Variants in RYR2 observed in about 807,000 individuals in gnomAD.
RYR2 encodes ryanodine receptor 2, also known as cardiac muscle ryanodine receptor-calcium release channel.
RYR2 carries 227 observed loss-of-function variants against 601.1 expected under a neutral mutation model. The ratio of observed to expected loss-of-function variants is 0.38; its 90% CI spans 0.34 to 0.42. RYR2 has a LOEUF of 0.42. RYR2 is among the 10% of genes least tolerant of loss of function. The probability of loss-of-function intolerance (pLI) is 1.00; values close to 1 mark genes in which losing one functional copy is unlikely to be tolerated. For missense variants in RYR2, 4,646 were observed against 6,156.5 expected, an observed-to-expected ratio of 0.75 and a Z score of 8.21; for synonymous variants, 2,223 against 2,175.1, an observed-to-expected ratio of 1.02 and a Z score of -0.61.
Position 237,123,234 on chromosome 1 carries a change from C to A in RYR2, c.48+80665C>A, listed in dbSNP as rs1258705330. ...CAAAAAACTCAGGAAACAATACTTA[C>A]CCTAAGATGCTTTCTCATTTATTCT... is the stretch of plus-strand genomic sequence containing the variant. On this transcript the variant is annotated intron_variant, in intron 1 of 104. Coordinates refer to ENST00000366574, the MANE Select transcript of RYR2 (RefSeq NM_001035.3). Among the ~76,000 whole-genome samples, 6 of 152,138 alleles carry A rather than the reference C, an allele frequency of 3.9e-5. No individual in the cohort carries two copies. The East Asian group carries it at 5.8e-4, about 15-fold the overall frequency.
At position 237,649,818 on chromosome 1, in the gene RYR2, C is replaced by T. The variant is rs957796894; in HGVS notation, c.7513-59C>T. The T allele has an allele frequency of 4.1e-6, 6 of 1,459,380 alleles. No individual in the cohort carries two copies. The African/African-American group carries it at 5.6e-5, about 14-fold the overall frequency. The allele number at this position is 1,459,380 out of a possible 1,614,324, so 90.4% of individuals were successfully genotyped here. A position where few individuals can be genotyped will look rare whatever the true frequency, so the allele number is the denominator to read the frequency against. On this transcript the variant is annotated intron_variant, in intron 49 of 104. Transcript: ENST00000366574. ...AAATTGTATGTCCCCATGTTAATCC[C>T]TTTGAAGATTATCTACTGCCAAACA...
chr1:237,793,630 C>G (rs540067883), intron 94 of RYR2, among the ~76,000 whole-genome samples: 26 of 152,200 alleles, frequency 1.7e-4, no homozygotes, highest in African/African-American at 6.0e-4. Flanking sequence ...ATCTATAAGA[C>G]CCTATGTGTT....
chr1:237,204,245 G>A (rs1681528210), intron 1 of RYR2, among the ~76,000 whole-genome samples: 1 of 152,164 alleles, frequency 6.6e-6, no homozygotes. Flanking sequence ...CTAACCTCAG[G>A]TGATCCACCC....
At chr1:237,503,246 G>A (rs912135332) in intron 21 of RYR2, 43 bp from the exon 22 acceptor site, 6 of 1,520,542 alleles carry the variant, frequency 3.9e-6, no homozygotes, top group African/African-American at 2.8e-5. Context: ...AAACTTTAAT[G>A]TACACCAGAG....
chr1:237,423,137 C>T lies in RYR2; in HGVS notation c.894C>T (p.Arg298=), dbSNP rs758606310. Residue 298 remains arginine, a synonymous_variant, in exon 12 of 105, where the codon CGC becomes CGT. Transcript: ENST00000366574. The part of the protein sequence containing the change: ...HIRWGQPFRL[R]HVTTGKYLSL... The stretch of plus-strand genomic sequence containing the variant: ...GATGGGGACAGCCATTCCGACTACG[C>T]CATGTCACAACAGGAAAATACTTGA... 4.9e-5 allele frequency: 79 copies of T among 1,613,698 alleles called. No homozygotes were observed. Among genetic ancestry groups the T allele is most frequent in the Non-Finnish European group, 6.6e-5 (78 of 1,179,828 alleles).
intron 1 of RYR2, among the ~76,000 whole-genome samples, chr1:237,084,232 G>T (rs768893428): frequency 6.6e-6 from 1 of 151,988 alleles, no homozygotes; most frequent in African/African-American, 2.4e-5. Context: ...TTTCAAATTC[G>T]GCTTATCCCA....
intron 1 of RYR2, among the ~76,000 whole-genome samples, chr1:237,066,641 C>CT (rs71178383): frequency 7.5e-5 from 11 of 147,144 alleles, no homozygotes; most frequent in Admixed American, 1.4e-4. Flanking sequence ...CCGTGTCTTT[C>CT]TTTTTTTTTT....
Position 237,778,783 on chromosome 1 carries a change from A to C in RYR2, c.11880+13A>C, listed in dbSNP as rs1694866896. On this transcript the variant is annotated intron_variant, in intron 88 of 104. Coordinates refer to ENST00000366574, the MANE Select transcript of RYR2 (RefSeq NM_001035.3). ...GAAGCTGTCGCAGGTAAACTAACTAACTGCCTTCCTCTCTCTTAAATGACA... is the reference window on the plus strand; with the variant it reads ...GAAGCTGTCGCAGGTAAACTAACTACCTGCCTTCCTCTCTCTTAAATGACA... 1.5e-6 allele frequency: 2 copies of C among 1,330,528 alleles called. No individual in the cohort carries two copies. The highest frequency in any genetic ancestry group is 1.2e-5 in the South Asian group (1 of 83,324). The allele number at this position is 1,330,528 out of a possible 1,614,324, so 82.4% of individuals were successfully genotyped here.
Position 237,639,008 on chromosome 1 carries a change from A to C in RYR2, c.6929-7A>C, listed in dbSNP as rs1401095161. 1.2e-6 allele frequency: 2 copies of C among 1,613,214 alleles called. No homozygotes were observed. Among genetic ancestry groups the C allele is most frequent in the South Asian group, 1.1e-5 (1 of 91,012 alleles). Reference sequence around the variant, plus strand: ...TTTGTTTACTTATCTTCCCCATTCTACTTTAGGGGAGAGTGTGGAGGAAAA... The same window carrying C: ...TTTGTTTACTTATCTTCCCCATTCTCCTTTAGGGGAGAGTGTGGAGGAAAA... On this transcript the variant is annotated splice_region_variant and splice_polypyrimidine_tract_variant and intron_variant, in intron 45 of 104. Coordinates refer to ENST00000366574, the MANE Select transcript of RYR2 (RefSeq NM_001035.3).
chr1:237,082,781 G>A (rs1665881950), intron 1 of RYR2, among the ~76,000 whole-genome samples: 1 of 151,762 alleles, frequency 6.6e-6, no homozygotes, highest in African/African-American at 2.4e-5. Flanking sequence ...AATTTAATAG[G>A]GAAAGTTAGG....
chr1:237,367,168 A>G (rs1700266872), intron 5 of RYR2, among the ~76,000 whole-genome samples: 1 of 152,142 alleles, frequency 6.6e-6, no homozygotes, highest in African/African-American at 2.4e-5. Context: ...ACCTCGGCTC[A>G]CTGCAACCTC....
chr1:237,551,490 C>A (rs888953427), intron 27 of RYR2, among the ~76,000 whole-genome samples: 2 of 141,864 alleles, frequency 1.4e-5, no homozygotes, highest in Non-Finnish European at 3.0e-5. Flanking sequence ...GAGATGGCGC[C>A]ACTGCACTCC....
intron 17 of RYR2, among the ~76,000 whole-genome samples, chr1:237,473,431 C>CTCTTTCTTTCTTTCTTTCGTTCTTTCTT (rs1660981033): frequency 8.6e-6 from 1 of 115,772 alleles, no homozygotes; most frequent in African/African-American, 3.2e-5. Flanking sequence ...CTCTCTCTCT[C>CTCTTTCTTTCTTTCTTTCGTTCTTTCTT]TCTTTCTTTC....
At chr1:237,740,387 T>C (rs987385580) in intron 79 of RYR2, among the ~76,000 whole-genome samples, 1 of 152,202 alleles carries the variant, frequency 6.6e-6, no homozygotes, top group East Asian at 1.9e-4. Context: ...AAATTTTAAC[T>C]TCATTAGGAG....
At chr1:237,477,112 G>A (rs902671817) in intron 17 of RYR2, among the ~76,000 whole-genome samples, 3 of 152,188 alleles carry the variant, frequency 2.0e-5, no homozygotes, top group African/African-American at 7.2e-5. Flanking sequence ...AACAAAATCA[G>A]CCGGGTGTGG....
intron 1 of RYR2, among the ~76,000 whole-genome samples, chr1:237,263,518 A>G (rs1448642584): frequency 6.6e-6 from 1 of 152,214 alleles, no homozygotes; most frequent in African/African-American, 2.4e-5. Flanking sequence ...TGGTTTATGA[A>G]TTCTGTTCCT....
At chr1:237,667,836 T>G in intron 57 of RYR2, 47 bp from the exon 58 acceptor site, 1 of 1,382,474 alleles carries the variant, frequency 7.2e-7, no homozygotes, top group Non-Finnish European at 1.0e-6. Context: ...AAAGCAATAT[T>G]ATCCTTTTTT....
intron 1 of RYR2, among the ~76,000 whole-genome samples, chr1:237,190,304 A>C (rs1388626685): frequency 3.3e-5 from 5 of 152,178 alleles, no homozygotes; most frequent in Non-Finnish European, 7.3e-5. Flanking sequence ...GATAGTGGCC[A>C]TCCTAATGGG....
chr1:237,364,169 G>A (rs1393036790), intron 4 of RYR2, among the ~76,000 whole-genome samples, 189 bp from the exon 5 acceptor site: 2 of 151,976 alleles, frequency 1.3e-5, no homozygotes, highest in South Asian at 2.1e-4. Flanking sequence ...TGCTTGCTAC[G>A]GCTTTTCTCT....
Sources: gnomAD v4.1 joint callset for allele counts (sites outside exome capture counted in the v4.1 genomes callset) on GRCh38, gnomAD v4.1.1 for gene constraint, MANE v1.5 for transcripts, NCBI Gene and HGNC (gene_info 2026-07-23, HGNC 2026-07-21) for gene names.